PASD1: variants seen among roughly 807,000 people sequenced by gnomAD.
PASD1 encodes PAS domain containing repressor 1.
A neutral mutation model predicts 58.8 loss-of-function variants in PASD1; 13 were observed. That is an observed-to-expected ratio of 0.22 (90% CI 0.14 to 0.35). PASD1 has a LOEUF of 0.35. Among genes scored for constraint, PASD1 ranks in the 10% least tolerant of loss-of-function variants. The pLI is 1.00. For synonymous variants in PASD1, 236 were observed against 216.7 expected (o/e 1.09, Z -0.78); for missense variants, 734 against 568.3 (o/e 1.29, Z -2.96).
At chrX:151,671,421 C>A in intron 12 of PASD1, 152 bp from the exon 13 acceptor site, 2 of 798,414 alleles carry the variant, frequency 2.5e-6, no homozygotes, top group Non-Finnish European at 3.6e-6. Flanking sequence ...TTGGCCCAGC[C>A]AGGCCTTGGC....
At chrX:151,635,135 T>A (rs2013913144) in intron 8 of PASD1, among the ~76,000 whole-genome samples, 3 of 111,586 alleles carry the variant, frequency 2.7e-5, no homozygotes, top group Non-Finnish European at 5.6e-5. Flanking sequence ...AGCTGACTCA[T>A]CTCTTTTTAA....
intron 1 of PASD1, among the ~76,000 whole-genome samples, chrX:151,574,642 A>G (rs1436840972): frequency 1.8e-5 from 2 of 112,069 alleles, no homozygotes; most frequent in African/African-American, 6.5e-5. Flanking sequence ...TTTGCCAAAC[A>G]TCAGAAACAG....
At chrX:151,625,274 A>G (rs1279721996) in intron 7 of PASD1, among the ~76,000 whole-genome samples, 174 bp from the exon 8 acceptor site, 3 of 112,271 alleles carry the variant, frequency 2.7e-5, no homozygotes, top group African/African-American at 9.7e-5. Context: ...GGGTCAAATC[A>G]TTATATCTCT....
intron 10 of PASD1, among the ~76,000 whole-genome samples, chrX:151,661,426 C>G (rs746188618): frequency 4.5e-5 from 5 of 112,084 alleles, no homozygotes; most frequent in Non-Finnish European, 9.4e-5. Context: ...CCAGATGTTT[C>G]TCTTTTCCAA....
chrX:151,666,172 C>T (rs1468548840), intron 11 of PASD1, among the ~76,000 whole-genome samples: 1 of 109,366 alleles, frequency 9.1e-6, no homozygotes, highest in East Asian at 2.9e-4. Context: ...GTACCTTTTT[C>T]TTATCATTAA....
At chrX:151,619,565 C>T (rs1041421148) in intron 4 of PASD1, among the ~76,000 whole-genome samples, 1 of 111,107 alleles carries the variant, frequency 9.0e-6, no homozygotes, top group Admixed American at 9.6e-5. Context: ...GAAGTATATC[C>T]TCATGTGTGT....
intron 1 of PASD1, among the ~76,000 whole-genome samples, chrX:151,575,185 A>G (rs1478419271): frequency 3.7e-5 from 4 of 107,004 alleles, no homozygotes; most frequent in African/African-American, 1.4e-4. Context: ...GACTTCGTGC[A>G]AAAGCTAAAA....
Position 151,671,664 on chromosome X carries a change from A to G in PASD1, c.1322A>G (p.Gln441Arg). 8.3e-7 allele frequency: 1 copy of G among 1,210,971 alleles called. No individual in the cohort carries two copies. Among genetic ancestry groups the G allele is most frequent in the Non-Finnish European group, 1.1e-6 (1 of 894,480 alleles). ...AAACAACAGAAACAACACGCTGGGC[A>G]AGTGAAGCGGCCTCTCCCACATCCC... is the stretch of plus-strand genomic sequence containing the variant. ...PKKQQKQHAG[Q>R]VKRPLPHPKD... Residue 441 changes from glutamine (Q) to arginine (R), a missense_variant, in exon 13 of 16, where the codon CAA becomes CGA. Gln to Arg is a conservative substitution (Grantham distance 43). Coordinates refer to ENST00000370357, the MANE Select transcript of PASD1 (RefSeq NM_173493.3).
intron 8 of PASD1, 139 bp downstream of exon 8, chrX:151,625,669 G>A (rs2013777098): frequency 3.9e-6 from 2 of 512,910 alleles, no homozygotes; most frequent in Non-Finnish European, 6.4e-6. Context: ...ACGGGCCAGG[G>A]ATGGTGGCTC....
At position 151,672,635 on chromosome X, in the gene PASD1, T is replaced by G. The variant is rs1219219761; in HGVS notation, c.1890T>G (p.Cys630Trp). 5.0e-6 allele frequency: 6 copies of G among 1,211,754 alleles called. No individual in the cohort carries two copies. The highest frequency in any genetic ancestry group is 5.6e-6 in the Non-Finnish European group (5 of 895,419). The change falls in exon 14 of 16, where the codon TGT becomes TGG. Residue 630 changes from cysteine to tryptophan, a missense_variant. Transcript: ENST00000370357. ...QPSGFYQDENCGQQEDESQSF... is the reference protein window; with the variant it reads ...QPSGFYQDENWGQQEDESQSF... ...CTGGCTTCTATCAAGATGAAAACTG[T>G]GGGCAACAGGAAGATGAGAGTCAAA...
chrX:151,584,848 A>G (rs2013144382), intron 1 of PASD1, among the ~76,000 whole-genome samples: 1 of 111,919 alleles, frequency 8.9e-6, no homozygotes, highest in African/African-American at 3.2e-5. Flanking sequence ...CTAAATTCTC[A>G]TTTCCTCTAT....
intron 1 of PASD1, among the ~76,000 whole-genome samples, chrX:151,564,322 C>G (rs1271417866): frequency 8.9e-6 from 1 of 112,022 alleles, no homozygotes; most frequent in Non-Finnish European, 1.9e-5. Context: ...AGAGGTTTGC[C>G]TGGTTTTCAG....
intron 4 of PASD1, among the ~76,000 whole-genome samples, chrX:151,617,317 G>A (rs182682269): frequency 5.3e-4 from 59 of 111,031 alleles, no homozygotes; most frequent in East Asian, 2.3e-3. Context: ...TTCAATTAGC[G>A]GTTAATTATA....
chrX:151,642,831 A>G (rs2124291248), intron 8 of PASD1, among the ~76,000 whole-genome samples: 1 of 111,848 alleles, frequency 8.9e-6, no homozygotes, highest in Non-Finnish European at 1.9e-5. Flanking sequence ...ATTTGTCTGT[A>G]CCCCAGGTCC....
chrX:151,617,136 G>A (rs369093613), intron 4 of PASD1, among the ~76,000 whole-genome samples: 2 of 111,003 alleles, frequency 1.8e-5, no homozygotes, highest in Non-Finnish European at 3.8e-5. Flanking sequence ...TTAGTTTTTC[G>A]CTGGTATTTA....
In PASD1 at chrX:151,628,111, T is replaced by C. The variant is rs749694596; in HGVS notation, c.629+2581T>C. ...TTGTAGATTCTGGATATTAGCCCTT[T>C]GTCAGATGAGTAGATTGCAAAAATT... is the stretch of plus-strand genomic sequence containing the variant. On this transcript the variant is annotated intron_variant, in intron 8 of 15. Transcript: ENST00000370357. Among the ~76,000 whole-genome samples the C allele has an allele frequency of 3.0e-3, 338 of 111,473 alleles. 3 individuals are homozygous for C. Among genetic ancestry groups the C allele is most frequent in the Non-Finnish European group, 5.4e-3 (287 of 53,025 alleles).
At chrX:151,583,505 C>T (rs147705549) in intron 1 of PASD1, among the ~76,000 whole-genome samples, 1,208 of 111,751 alleles carry the variant, frequency 0.011, 8 homozygotes, top group Non-Finnish European at 0.018. Flanking sequence ...CCTGTCAAGT[C>T]CCAGCGTAGT....
rs767225360 is a variant in PASD1, at chrX:151,621,464, T to A, written c.308-18T>A. 8.9e-6 allele frequency: 10 copies of A among 1,123,940 alleles called. No homozygotes were observed. The highest frequency in any genetic ancestry group is 8.5e-6 in the Non-Finnish European group (7 of 824,204). The allele number at this position is 1,123,940 out of a possible 1,213,427, so 92.6% of individuals were successfully genotyped here. On this transcript the variant is annotated intron_variant, in intron 5 of 15. Coordinates refer to ENST00000370357, the MANE Select transcript of PASD1 (RefSeq NM_173493.3). ...GTACAAATGTAGACTTGTTTTGTAT[T>A]TCTTCTCTTTTTACTAGAAACACAT...
rs375084420 is a variant in PASD1, at chrX:151,604,647, C to T, written c.30C>T (p.Asp10=). The T allele has an allele frequency of 5.9e-6, 7 of 1,193,495 alleles. No homozygotes were observed. Among genetic ancestry groups the T allele is most frequent in the Non-Finnish European group, 7.9e-6 (7 of 882,350 alleles). The change falls in exon 3 of 16, where the codon GAC becomes GAT. Residue 10 remains aspartate (D), a splice_region_variant and synonymous_variant. Transcript: ENST00000370357. The stretch of plus-strand genomic sequence containing the variant: ...TACTTTCTTCCTTTTTCTAAAAAGA[C>T]AAAGTCAATCCAAAAAGCTCTCAAA... MKMRGEKRR[D]KVNPKSSQRK...
Sources: gnomAD v4.1 joint callset for allele counts (sites outside exome capture counted in the v4.1 genomes callset) on GRCh38, gnomAD v4.1.1 for gene constraint, MANE v1.5 for transcripts, NCBI Gene and HGNC (gene_info 2026-07-23, HGNC 2026-07-21) for gene names.